The following HS3ST3A1 variants were observed in gnomAD, a reference collection of about 807,000 sequenced individuals.
HS3ST3A1 encodes the protein heparan sulfate-glucosamine 3-sulfotransferase 3A1.
Under a neutral mutation model 25.7 loss-of-function variants are expected in HS3ST3A1, and 19 were observed. That is an observed-to-expected ratio of 0.74 (90% confidence interval 0.52 to 1.08). HS3ST3A1 has a LOEUF of 1.08. HS3ST3A1 is among the 50% of genes least tolerant of loss of function. The pLI, the probability that HS3ST3A1 is intolerant of heterozygous loss-of-function variation, is 0.00. For synonymous variants in HS3ST3A1, 226 were observed against 278.6 expected (o/e 0.81, Z 1.88); for missense variants, 459 against 594.3 (o/e 0.77, Z 2.37).
intron 1 of HS3ST3A1, among the ~76,000 whole-genome samples, chr17:13,539,126 G>A (rs576834995): frequency 6.6e-6 from 1 of 152,246 alleles, no homozygotes; most frequent in Admixed American, 6.5e-5. Flanking sequence ...CCTCTCCTCA[G>A]CAGGGTTGTT....
At chr17:13,526,974 G>A (rs1665088034) in intron 1 of HS3ST3A1, among the ~76,000 whole-genome samples, 1 of 152,082 alleles carries the variant, frequency 6.6e-6, no homozygotes, top group Admixed American at 6.6e-5. Flanking sequence ...TTTTCTATGG[G>A]GGCTGCCACA....
intron 1 of HS3ST3A1, among the ~76,000 whole-genome samples, chr17:13,548,806 T>C (rs1158867318): frequency 2.0e-5 from 3 of 152,006 alleles, no homozygotes; most frequent in African/African-American, 4.8e-5. Context: ...CAATCAGCAC[T>C]CTGTAAAAAA....
chr17:13,591,762 A>G (rs9909677), intron 1 of HS3ST3A1, among the ~76,000 whole-genome samples: 86,554 of 150,966 alleles, frequency 0.57, 25,939 homozygotes, highest in East Asian at 0.67. Context: ...GGGCTTAAGC[A>G]ATTCTTGTAC....
At chr17:13,578,781 G>A (rs1327603351) in intron 1 of HS3ST3A1, among the ~76,000 whole-genome samples, 2 of 152,090 alleles carry the variant, frequency 1.3e-5, no homozygotes, top group East Asian at 3.8e-4. Flanking sequence ...TCTTACCTGA[G>A]TAAGAGGAAT....
intron 1 of HS3ST3A1, among the ~76,000 whole-genome samples, chr17:13,545,103 T>A (rs1432453802): frequency 1.3e-5 from 2 of 152,194 alleles, no homozygotes; most frequent in African/African-American, 2.4e-5. Flanking sequence ...GCTTGTCAAA[T>A]GACAGGCTGG....
intron 1 of HS3ST3A1, among the ~76,000 whole-genome samples, chr17:13,508,645 A>G (rs913569252): frequency 2.0e-5 from 3 of 152,188 alleles, no homozygotes; most frequent in Admixed American, 6.5e-5. Context: ...GTAAAATACC[A>G]TTTCTAACAC....
intron 1 of HS3ST3A1, among the ~76,000 whole-genome samples, chr17:13,538,574 C>G (rs150878688): frequency 1.3e-3 from 201 of 152,174 alleles, no homozygotes; most frequent in African/African-American, 4.0e-3. Flanking sequence ...AAACCGAATG[C>G]CAGCATAATA....
intron 1 of HS3ST3A1, among the ~76,000 whole-genome samples, chr17:13,527,553 C>A (rs1328532007): frequency 6.6e-6 from 1 of 152,080 alleles, no homozygotes; most frequent in Non-Finnish European, 1.5e-5. Context: ...GAGAGTGAAG[C>A]CCCCCTGCTC....
chr17:13,588,609 C>G (rs1416743215), intron 1 of HS3ST3A1, among the ~76,000 whole-genome samples: 1 of 152,128 alleles, frequency 6.6e-6, no homozygotes, highest in Non-Finnish European at 1.5e-5. Flanking sequence ...CAAACAGAAC[C>G]AAGTTTGTCA....
In HS3ST3A1 at chr17:13,559,052, G is replaced by A. The variant is rs139726266; in HGVS notation, c.599+41479C>T. On this transcript the variant is annotated intron_variant, in intron 1 of 1. Coordinates refer to ENST00000284110, the MANE Select transcript of HS3ST3A1 (RefSeq NM_006042.3). Reference sequence around the variant, plus strand: ...ATCTCAGCTATGCCCTTGTACAAAGGCTAATAATAATACCTACCTCATGGG... The same window carrying A: ...ATCTCAGCTATGCCCTTGTACAAAGACTAATAATAATACCTACCTCATGGG... Among the ~76,000 whole-genome samples, 1,313 of 152,260 alleles carry A rather than the reference G, an allele frequency of 8.6e-3. 8 individuals carry two copies. Among genetic ancestry groups the A allele is most frequent in the Middle Eastern group, 0.017 (5 of 294 alleles).
chr17:13,529,691 C>T (rs770111449), intron 1 of HS3ST3A1, among the ~76,000 whole-genome samples: 6 of 152,160 alleles, frequency 3.9e-5, no homozygotes, highest in Non-Finnish European at 5.9e-5. Flanking sequence ...CCTACCTTCA[C>T]GGCTCTCAAG....
At chr17:13,553,462 CTG>C in intron 1 of HS3ST3A1, among the ~76,000 whole-genome samples, 1 of 152,320 alleles carries the variant, frequency 6.6e-6, no homozygotes, top group East Asian at 1.9e-4. Context: ...GATGAGGATA[CTG>C]TGCCTTCTCT....
chr17:13,522,148 G>A lies in HS3ST3A1; in HGVS notation c.600-25330C>T, dbSNP rs531068006. ...AAAAATATCAGACAGCATAGCATAA[G>A]AGAAGTAATTGTTTCGTGAACATGT... On this transcript the variant is annotated intron_variant, in intron 1 of 1. Transcript: ENST00000284110. Among the ~76,000 whole-genome samples, 100 of 152,130 alleles carry A rather than the reference G, an allele frequency of 6.6e-4. 1 individual carries two copies. The highest frequency in any genetic ancestry group is 2.3e-3 in the Admixed American group (35 of 15,268).
intron 1 of HS3ST3A1, among the ~76,000 whole-genome samples, chr17:13,552,893 A>C (rs1314868462): frequency 3.9e-5 from 6 of 152,188 alleles, no homozygotes; most frequent in Admixed American, 2.6e-4. Context: ...AATCAAGTCA[A>C]GAACTTCTTC....
At chr17:13,540,267 G>T (rs914796566) in intron 1 of HS3ST3A1, among the ~76,000 whole-genome samples, 3 of 152,182 alleles carry the variant, frequency 2.0e-5, no homozygotes, top group Admixed American at 2.0e-4. Flanking sequence ...ACACTGGGCA[G>T]GGTGGTTTTT....
chr17:13,526,020 G>A (rs74393239), intron 1 of HS3ST3A1, among the ~76,000 whole-genome samples: 7,511 of 152,046 alleles, frequency 0.049, 396 homozygotes, highest in African/African-American at 0.12. Context: ...TGATATCCTA[G>A]GAGACTGGGA....
In HS3ST3A1 at chr17:13,538,925, T is replaced by A. The variant is rs149268535; in HGVS notation, c.600-42107A>T. ...GCTTGCAACAATACAAAACATTTATTTGCTCATAATTCTGAAATTTAGAAA... is the reference window on the plus strand; with the variant it reads ...GCTTGCAACAATACAAAACATTTATATGCTCATAATTCTGAAATTTAGAAA... On this transcript the variant is annotated intron_variant, in intron 1 of 1. Coordinates refer to ENST00000284110, the MANE Select transcript of HS3ST3A1 (RefSeq NM_006042.3). Among the ~76,000 whole-genome samples the A allele has an allele frequency of 4.3e-4, 65 of 152,304 alleles. No individual in the cohort carries two copies. The East Asian group carries it at 0.012, about 29-fold the overall frequency.
At position 13,523,141 on chromosome 17, in the gene HS3ST3A1, G is replaced by C. The variant is rs549660109; in HGVS notation, c.600-26323C>G. Reference sequence around the variant, plus strand: ...CAAGAGTCCAGCATCTGAGACTCTAGGATCAAGCTAAAGACAAAGTGAAGC... The same window carrying C: ...CAAGAGTCCAGCATCTGAGACTCTACGATCAAGCTAAAGACAAAGTGAAGC... On this transcript the variant is annotated intron_variant, in intron 1 of 1. Transcript: ENST00000284110. 5.9e-5 allele frequency among the ~76,000 whole-genome samples: 9 copies of C among 152,216 alleles called. No individual in the cohort carries two copies. In the South Asian group the frequency reaches 1.9e-3, roughly 32 times the overall value.
At chr17:13,541,170 C>T (rs1274389333) in intron 1 of HS3ST3A1, among the ~76,000 whole-genome samples, 1 of 152,136 alleles carries the variant, frequency 6.6e-6, no homozygotes, top group South Asian at 2.1e-4. Flanking sequence ...GATTTCCTAT[C>T]TCCTCTGCTA....
Sources: allele counts gnomAD v4.1 joint callset (sites outside exome capture counted in the v4.1 genomes callset), GRCh38; gene constraint gnomAD v4.1.1; transcripts MANE v1.5; gene names NCBI Gene and HGNC (gene_info 2026-07-23, HGNC 2026-07-21).